The following CSPP1 variants were observed in gnomAD, a reference collection of about 807,000 sequenced individuals.
The protein encoded by CSPP1 is centrosome and spindle pole-associated protein 1.
Under a neutral mutation model 164.4 loss-of-function variants are expected in CSPP1, and 126 were observed. The ratio of observed to expected loss-of-function variants is 0.77; its 90% CI spans 0.66 to 0.89. The LOEUF (loss-of-function observed/expected upper bound fraction) is 0.89. Among genes scored for constraint, CSPP1 ranks in the 40% least tolerant of loss-of-function variants. The pLI, the probability that CSPP1 is intolerant of heterozygous loss-of-function variation, is 0.00. For synonymous variants in CSPP1, 472 were observed against 476.7 expected (o/e 0.99, Z 0.13); for missense variants, 1,395 against 1,449.8 (o/e 0.96, Z 0.61).
Position 67,193,476 on chromosome 8 carries a change from C to T in CSPP1, c.3343C>T (p.Pro1115Ser), listed in dbSNP as rs764687694. ...TTTCTAACTACAGGATAGCAGTCGT[C>T]CTAATGTAGCACCAGATGGTCTCTC... The part of the protein sequence containing the change: ...WKGLDIDSSR[P>S]NVAPDGLSLK... Residue 1115 changes from proline (P) to serine (S), a missense_variant, in exon 30 of 31, where the codon CCT becomes TCT. Pro to Ser is a moderately conservative substitution (Grantham distance 74, BLOSUM62 -1). Transcript: ENST00000678616. 1.9e-6 allele frequency: 3 copies of T among 1,613,178 alleles called. No individual in the cohort carries two copies. Among genetic ancestry groups the T allele is most frequent in the South Asian group, 1.1e-5 (1 of 91,024 alleles).
intron 7 of CSPP1, among the ~76,000 whole-genome samples, chr8:67,100,690 C>T (rs1359123970): frequency 6.6e-6 from 1 of 151,224 alleles, no homozygotes; most frequent in Non-Finnish European, 1.5e-5. Flanking sequence ...AACAGTCCTC[C>T]CACTTTAGCC....
Position 67,093,726 on chromosome 8 carries a change from C to T in CSPP1, c.483+85C>T, listed in dbSNP as rs1050812395. The stretch of plus-strand genomic sequence containing the variant: ...CTTGAAAAGCTTTTTCTATTTTAGA[C>T]ATTTTACTTTTTTTTGTAAATACTT... On this transcript the variant is annotated intron_variant, in intron 6 of 30. Transcript: ENST00000678616. 18 of 759,350 alleles carry T rather than the reference C, an allele frequency of 2.4e-5. No homozygotes were observed. The Middle Eastern group carries it at 1.3e-3, about 53-fold the overall frequency. The allele number at this position is 759,350 out of a possible 1,614,324, so 47.0% of individuals were successfully genotyped here.
Position 67,151,540 on chromosome 8 carries a change from G to A in CSPP1, c.2128+1605G>A, listed in dbSNP as rs567120973. On this transcript the variant is annotated intron_variant, in intron 18 of 30. Coordinates refer to ENST00000678616, the MANE Select transcript of CSPP1 (RefSeq NM_001382391.1). ...AGTAATAACACTTTTTAGCCATCTAGCTTTGCACACCAAGCAAAAACACCA... is the reference window on the plus strand; with the variant it reads ...AGTAATAACACTTTTTAGCCATCTAACTTTGCACACCAAGCAAAAACACCA... Among the ~76,000 whole-genome samples, 3 of 152,142 alleles carry A rather than the reference G, an allele frequency of 2.0e-5. No individual in the cohort carries two copies. The East Asian group carries it at 5.8e-4, about 29-fold the overall frequency.
chr8:67,178,648 A>G (rs909979944), intron 27 of CSPP1, among the ~76,000 whole-genome samples: 2 of 152,150 alleles, frequency 1.3e-5, no homozygotes, highest in African/African-American at 4.8e-5. Context: ...ACATTTGAGT[A>G]AGGACATCAG....
chr8:67,073,239 T>C (rs1307262390), intron 1 of CSPP1, among the ~76,000 whole-genome samples: 1 of 152,148 alleles, frequency 6.6e-6, no homozygotes, highest in Non-Finnish European at 1.5e-5. Context: ...TAATAAAAAA[T>C]AACATCACTA....
At chr8:67,164,336 T>TA (rs1828909173) in intron 23 of CSPP1, 55 bp from the exon 24 acceptor site, 8 of 821,700 alleles carry the variant, frequency 9.7e-6, no homozygotes, top group Non-Finnish European at 1.7e-5. Context: ...TTTTAATGTT[T>TA]AGTCTTTTGT....
intron 15 of CSPP1, among the ~76,000 whole-genome samples, chr8:67,122,896 T>TG (rs1819255837): frequency 7.0e-6 from 1 of 142,440 alleles, no homozygotes; most frequent in Non-Finnish European, 1.6e-5. Flanking sequence ...GTGTGTGTGT[T>TG]TGTGTGTGTG....
At chr8:67,104,949 C>CATATATATATAT (rs201503845) in intron 8 of CSPP1, among the ~76,000 whole-genome samples, 63 of 83,198 alleles carry the variant, frequency 7.6e-4, no homozygotes, top group African/African-American at 2.3e-3. Context: ...CTTACATGCA[C>CATATATATATAT]ATATATATAT....
intron 18 of CSPP1, among the ~76,000 whole-genome samples, chr8:67,152,917 G>T (rs901221221): frequency 3.9e-5 from 6 of 152,140 alleles, no homozygotes; most frequent in Non-Finnish European, 8.8e-5. Flanking sequence ...CATGCTTTAG[G>T]CTGGGCACGC....
intron 15 of CSPP1, among the ~76,000 whole-genome samples, chr8:67,121,599 A>G (rs1371089134): frequency 6.6e-6 from 1 of 152,082 alleles, no homozygotes; most frequent in Non-Finnish European, 1.5e-5. Flanking sequence ...GTTTTGCATC[A>G]GTGTTCATAT....
At chr8:67,093,824 T>C (rs1385709612) in intron 6 of CSPP1, among the ~76,000 whole-genome samples, 183 bp downstream of exon 6, 6 of 152,172 alleles carry the variant, frequency 3.9e-5, no homozygotes, top group African/African-American at 1.2e-4. Flanking sequence ...TTATCTCATA[T>C]TGAAGAACTT....
At chr8:67,139,990 T>C (rs1823172011) in intron 17 of CSPP1, among the ~76,000 whole-genome samples, 1 of 152,210 alleles carries the variant, frequency 6.6e-6, no homozygotes. Flanking sequence ...ATTTAAAGTA[T>C]AGTAATAAAA....
intron 1 of CSPP1, chr8:67,069,122 T>G (rs556384532): frequency 6.6e-6 from 1 of 152,366 alleles, no homozygotes; most frequent in Admixed American, 6.5e-5. Flanking sequence ...GGGTTCCCCA[T>G]GGTGTGTGTT....
intron 18 of CSPP1, among the ~76,000 whole-genome samples, chr8:67,152,968 C>T (rs58160220): frequency 0.083 from 12,584 of 152,090 alleles, 1,060 homozygotes; most frequent in African/African-American, 0.22. Context: ...GAGGCCGAGG[C>T]GGGCGGATCA....
chr8:67,159,937 C>T (rs1289579075), intron 21 of CSPP1, among the ~76,000 whole-genome samples: 7 of 46,560 alleles, frequency 1.5e-4, no homozygotes, highest in East Asian at 6.3e-4. Flanking sequence ...TTCCTTCCTT[C>T]CTTCCTTCCT....
intron 3 of CSPP1, among the ~76,000 whole-genome samples, chr8:67,083,117 A>C (rs1377194596): frequency 6.6e-6 from 1 of 152,220 alleles, no homozygotes; most frequent in Non-Finnish European, 1.5e-5. Flanking sequence ...CTAAACATTA[A>C]ATTAATAAAG....
chr8:67,164,428 G>A lies in CSPP1; in HGVS notation c.2748G>A (p.Met916Ile), dbSNP rs1175766073. Reference sequence around the variant, plus strand: ...ATGTAATTATGGAATTATCAGAAATGAGAAAACAGCTTCGTAGTGAAGAGA... The same window carrying A: ...ATGTAATTATGGAATTATCAGAAATAAGAAAACAGCTTCGTAGTGAAGAGA... ...KKNVIMELSE[M>I]RKQLRSEERR... The change falls in exon 24 of 31, where the codon ATG (methionine) becomes ATA (isoleucine). Residue 916 changes from methionine to isoleucine, a missense_variant. Met to Ile is a conservative substitution (Grantham distance 10). Transcript: ENST00000678616. 3.1e-6 allele frequency: 5 copies of A among 1,602,592 alleles called. No individual in the cohort carries two copies. Among genetic ancestry groups the A allele is most frequent in the Non-Finnish European group, 2.6e-6 (3 of 1,169,980 alleles).
chr8:67,079,581 CG>C (rs1808720529), intron 3 of CSPP1, among the ~76,000 whole-genome samples: 1 of 152,160 alleles, frequency 6.6e-6, no homozygotes, highest in African/African-American at 2.4e-5. Flanking sequence ...AGTCTAGCCC[CG>C]TGTATCAAAT....
chr8:67,115,870 C>T (rs1817831404), intron 12 of CSPP1, 44 bp from the exon 13 acceptor site: 1 of 1,514,284 alleles, frequency 6.6e-7, no homozygotes, highest in Non-Finnish European at 9.2e-7. Context: ...CACCTTTAAA[C>T]TTATGATTAT....
Sources: allele counts gnomAD v4.1 joint callset (sites outside exome capture counted in the v4.1 genomes callset), GRCh38; gene constraint gnomAD v4.1.1; transcripts MANE v1.5; gene names NCBI Gene and HGNC (gene_info 2026-07-23, HGNC 2026-07-21).